SMIM28: variants seen among roughly 807,000 people sequenced by gnomAD.
SMIM28 encodes small integral membrane protein 28.
Position 138,383,354 on chromosome 6 carries a change from A to T in SMIM28, c.*507A>T, listed in dbSNP as rs1774341019. ...CCAAGATATAGAGAGTTCTAGCAGG[A>T]GTAAAAGACATCTCTAGAACTGCAG... is the stretch of plus-strand genomic sequence containing the variant. On this transcript the variant is annotated 3_prime_UTR_variant, in exon 2 of 2. Coordinates refer to ENST00000573100, the MANE Select transcript of SMIM28 (RefSeq NM_001368163.3). Among the ~76,000 whole-genome samples, 1 of 152,246 alleles carries T rather than the reference A, an allele frequency of 6.6e-6. No individual in the cohort carries two copies. The highest frequency in any genetic ancestry group is 1.5e-5 in the Non-Finnish European group (1 of 68,048).
rs147901110 is a variant in SMIM28 at position 138,378,120 on chromosome 6, C to G, written c.48C>G (p.Gly16=). The G allele has an allele frequency of 1.2e-3, 467 of 398,688 alleles. No homozygotes were observed. Among genetic ancestry groups the G allele is most frequent in the Admixed American group, 2.0e-3 (45 of 22,726 alleles). 24.7% of individuals were successfully genotyped at this position (398,688 alleles called of 1,614,324 possible). A position where few individuals can be genotyped will look rare whatever the true frequency, so the allele number is the denominator to read the frequency against. ...GSSWKKFGHA[G]RGTYEWLTSE... is the part of the protein sequence containing the mutation. ...GCTGGAAGAAGTTTGGACATGCTGG[C>G]CGGGGGACATATGAGTGGTTAACCA... is the stretch of plus-strand genomic sequence containing the variant. The change falls in exon 1 of 2, where the codon GGC becomes GGG. Residue 16 remains glycine, a synonymous_variant. Transcript: ENST00000573100.
At chr6:138,378,325 T>C (rs953732794) in intron 1 of SMIM28, 142 bp downstream of exon 1, 1 of 395,320 alleles carries the variant, frequency 2.5e-6, no homozygotes, top group African/African-American at 2.1e-5. Context: ...AATTCACTGA[T>C]TGGCATGGTC....
chr6:138,383,394 G>T lies in SMIM28; in HGVS notation c.*547G>T, dbSNP rs1774341253. ...TAGAACTGCAGGGGATAGTTGTGTT[G>T]TAAATAATGGTGAAATATATTACAA... On this transcript the variant is annotated 3_prime_UTR_variant, in exon 2 of 2. Coordinates refer to ENST00000573100, the MANE Select transcript of SMIM28 (RefSeq NM_001368163.3). Among the ~76,000 whole-genome samples, 1 of 152,210 alleles carries T rather than the reference G, an allele frequency of 6.6e-6. No individual in the cohort carries two copies. The highest frequency in any genetic ancestry group is 1.5e-5 in the Non-Finnish European group (1 of 68,046).
At chr6:138,378,544 G>A (rs1399263563) in intron 1 of SMIM28, among the ~76,000 whole-genome samples, 3 of 152,148 alleles carry the variant, frequency 2.0e-5, no homozygotes. Flanking sequence ...ACAAAAATAA[G>A]AGCCTCTCTT....
chr6:138,380,997 G>A (rs1249744774), intron 1 of SMIM28, among the ~76,000 whole-genome samples: 1 of 151,784 alleles, frequency 6.6e-6, no homozygotes, highest in East Asian at 1.9e-4. Flanking sequence ...CTGCCTCCTG[G>A]GTTCAAATGA....
chr6:138,380,823 A>C (rs73570915), intron 1 of SMIM28, among the ~76,000 whole-genome samples: 25,037 of 151,810 alleles, frequency 0.16, 3,784 homozygotes, highest in African/African-American at 0.4. Context: ...CCTAAGAGGT[A>C]ATGACCTGCA....
At chr6:138,379,459 C>T (rs1294060662) in intron 1 of SMIM28, among the ~76,000 whole-genome samples, 1 of 152,130 alleles carries the variant, frequency 6.6e-6, no homozygotes, top group Non-Finnish European at 1.5e-5. Flanking sequence ...TCTATGCATA[C>T]TGACTTTCTA....
chr6:138,381,534 A>C (rs1774312317), intron 1 of SMIM28, among the ~76,000 whole-genome samples: 1 of 152,140 alleles, frequency 6.6e-6, no homozygotes. Context: ...TAAAATCGAT[A>C]CCTTTTAGGT....
chr6:138,381,854 C>T (rs1018567202), intron 1 of SMIM28, among the ~76,000 whole-genome samples: 2 of 152,144 alleles, frequency 1.3e-5, no homozygotes, highest in African/African-American at 4.8e-5. Context: ...AATTTTCTTT[C>T]AAGAAAATGA....
rs1393524951 is a variant in SMIM28 at position 138,378,076 on chromosome 6, C to A, written c.4C>A (p.Arg2=). M[R]GLLGSSWKKF... ...AGGGCATCAGCTGGATGAAAACATG[C>A]GGGGACTGCTGGGCAGCAGCTGGAA... The change falls in exon 1 of 2, where the codon CGG becomes AGG. Residue 2 remains arginine (R), a synonymous_variant. Transcript: ENST00000573100. 3 of 398,610 alleles carry A rather than the reference C, an allele frequency of 7.5e-6. No homozygotes were observed. Among genetic ancestry groups the A allele is most frequent in the South Asian group, 1.3e-4 (1 of 7,856 alleles). 24.7% of individuals were successfully genotyped at this position (398,610 alleles called of 1,614,324 possible).
chr6:138,380,939 G>A (rs1270870453), intron 1 of SMIM28, among the ~76,000 whole-genome samples: 2 of 150,954 alleles, frequency 1.3e-5, no homozygotes, highest in East Asian at 3.9e-4. Flanking sequence ...GTCTCACTTT[G>A]TTGTCCAGGA....
At chr6:138,379,372 T>C (rs1182743730) in intron 1 of SMIM28, among the ~76,000 whole-genome samples, 1 of 152,198 alleles carries the variant, frequency 6.6e-6, no homozygotes, top group Non-Finnish European at 1.5e-5. Flanking sequence ...GTATTGAGAA[T>C]ACCTTAAGTA....
chr6:138,380,212 AAC>A (rs61508288), intron 1 of SMIM28, among the ~76,000 whole-genome samples: 24,234 of 152,120 alleles, frequency 0.16, 3,443 homozygotes, highest in African/African-American at 0.39. Context: ...AAGGCAAGTG[AAC>A]AGTCCATAGT....
At chr6:138,378,701 G>A (rs9484150) in intron 1 of SMIM28, among the ~76,000 whole-genome samples, 24,265 of 152,136 alleles carry the variant, frequency 0.16, 3,467 homozygotes, top group African/African-American at 0.39. Flanking sequence ...CAAATCACCA[G>A]TGCAGTCTCC....
rs1287441620 is a variant in SMIM28 at position 138,382,980 on chromosome 6, A to G, written c.*133A>G. The G allele has an allele frequency of 2.5e-6, 1 of 396,308 alleles. No individual in the cohort carries two copies. Among genetic ancestry groups the G allele is most frequent in the Non-Finnish European group, 4.4e-6 (1 of 225,150 alleles). The allele number at this position is 396,308 out of a possible 1,614,324, so 24.5% of individuals were successfully genotyped here. A position where few individuals can be genotyped will look rare whatever the true frequency, so the allele number is the denominator to read the frequency against. ...CCCTAGACCCAAGAAGCTGCTATTCATTGGCCAACCTCTGACAATGGGGCA... is the reference window on the plus strand; with the variant it reads ...CCCTAGACCCAAGAAGCTGCTATTCGTTGGCCAACCTCTGACAATGGGGCA... On this transcript the variant is annotated 3_prime_UTR_variant, in exon 2 of 2. Coordinates refer to ENST00000573100, the MANE Select transcript of SMIM28 (RefSeq NM_001368163.3).
At chr6:138,379,901 A>G (rs920795734) in intron 1 of SMIM28, among the ~76,000 whole-genome samples, 5 of 152,196 alleles carry the variant, frequency 3.3e-5, no homozygotes, top group Non-Finnish European at 7.3e-5. Flanking sequence ...TATAGTTTAG[A>G]AATTTAACAA....
Position 138,378,132 on chromosome 6 carries a change from T to C in SMIM28, c.60T>C (p.Tyr20=), listed in dbSNP as rs192673013. 496 of 398,676 alleles carry C rather than the reference T, an allele frequency of 1.2e-3. 2 individuals are homozygous for C. Among genetic ancestry groups the C allele is most frequent in the South Asian group, 7.4e-3 (58 of 7,856 alleles). 24.7% of individuals were successfully genotyped at this position (398,676 alleles called of 1,614,324 possible). Residue 20 remains tyrosine, a synonymous_variant, in exon 1 of 2, where the codon TAT becomes TAC. Transcript: ENST00000573100. ...KKFGHAGRGT[Y]EWLTSEPGLP... is the part of the protein sequence containing the mutation. ...TTGGACATGCTGGCCGGGGGACATA[T>C]GAGTGGTTAACCAGCGAGCCCGGCC...
chr6:138,378,296 C>T (rs929786850), intron 1 of SMIM28, 113 bp downstream of exon 1: 13 of 395,988 alleles, frequency 3.3e-5, no homozygotes, highest in African/African-American at 2.7e-4. Flanking sequence ...TTTTGTCTTA[C>T]AGCTATAACA....
chr6:138,382,265 C>T (rs549128847), intron 1 of SMIM28, among the ~76,000 whole-genome samples: 4 of 151,884 alleles, frequency 2.6e-5, no homozygotes, highest in South Asian at 2.1e-4. Context: ...GGCGTGGTGG[C>T]GCATGCCTGT....
Sources: gnomAD v4.1 joint callset for allele counts (sites outside exome capture counted in the v4.1 genomes callset) on GRCh38, gnomAD v4.1.1 for gene constraint, MANE v1.5 for transcripts, NCBI Gene and HGNC (gene_info 2026-07-23, HGNC 2026-07-21) for gene names.